Variants in DNAH9 observed in about 807,000 individuals in gnomAD.
The protein encoded by DNAH9 is dynein axonemal heavy chain 9, also known as DNAH9 variant protein.
In DNAH9, 345 loss-of-function variants were observed where a neutral mutation model predicts 471.6. The ratio of observed to expected loss-of-function variants is 0.73; its 90% CI spans 0.67 to 0.80. The LOEUF is 0.80. Among genes scored for constraint, DNAH9 ranks in the 30% least tolerant of loss-of-function variants. The probability of loss-of-function intolerance (pLI) is 0.00; values close to 1 mark genes in which losing one functional copy is unlikely to be tolerated. For missense variants in DNAH9, 5,407 were observed against 5,609.2 expected (o/e 0.96, Z 1.15); for synonymous variants, 2,093 against 2,123.6 (o/e 0.99, Z 0.40).
chr17:11,953,431 T>C (rs1975480555), intron 67 of DNAH9, among the ~76,000 whole-genome samples: 1 of 152,120 alleles, frequency 6.6e-6, no homozygotes, highest in Admixed American at 6.5e-5. Flanking sequence ...CATTCACAAA[T>C]GGGATGAAGT....
chr17:11,858,590 T>G (rs1041108843), intron 50 of DNAH9, among the ~76,000 whole-genome samples: 3 of 152,170 alleles, frequency 2.0e-5, no homozygotes, highest in African/African-American at 4.8e-5. Flanking sequence ...AAGTTTCCAT[T>G]ATCTTCCCAC....
chr17:11,644,572 C>G, intron 10 of DNAH9, 59 bp from the exon 11 acceptor site: 2 of 1,294,934 alleles, frequency 1.5e-6, no homozygotes, highest in South Asian at 2.5e-5. Flanking sequence ...GTTTGTTCCT[C>G]GGATTATTAC....
At position 11,756,568 on chromosome 17, in the gene DNAH9, G is replaced by T; in HGVS notation, c.6739G>T (p.Val2247Leu). 6.3e-7 allele frequency: 1 copy of T among 1,597,546 alleles called. No individual in the cohort carries two copies. The highest frequency in any genetic ancestry group is 8.6e-7 in the Non-Finnish European group (1 of 1,164,856). ...SLNTVMDDNKVLTLASNERIP... is the reference protein window; with the variant it reads ...SLNTVMDDNKLLTLASNERIP... Reference sequence around the variant, plus strand: ...GCATGCCCTTCCCTGTTGTCTCCAGGTGCTGACATTGGCCAGCAATGAGAG... The same window carrying T: ...GCATGCCCTTCCCTGTTGTCTCCAGTTGCTGACATTGGCCAGCAATGAGAG... Residue 2247 changes from valine to leucine, a missense_variant and splice_region_variant, in exon 34 of 69, where the codon GTG (valine) becomes TTG (leucine). Physicochemically the swap from Val to Leu is conservative, Grantham distance 32 (BLOSUM62 1). This residue lies in a region of DNAH9 where 4,636 missense variants were observed against 4,900.3 expected (regional missense o/e 0.95). Transcript: ENST00000262442.
Position 11,905,607 on chromosome 17 carries a change from C to T in DNAH9, c.11601-54C>T. ...ATAGGCCTCTATTTCTCAAATGTTA[C>T]CATTTTGTGGCTGCTATATATGTAT... On this transcript the variant is annotated intron_variant, in intron 60 of 68. Coordinates refer to ENST00000262442, the MANE Select transcript of DNAH9 (RefSeq NM_001372.4). The T allele has an allele frequency of 1.9e-6, 3 of 1,563,970 alleles. No homozygotes were observed. In the South Asian group the frequency reaches 3.5e-5, roughly 18 times the overall value.
At chr17:11,640,209 C>A in intron 9 of DNAH9, 61 bp from the exon 10 acceptor site, 1 of 995,048 alleles carries the variant, frequency 1.0e-6, no homozygotes, top group Non-Finnish European at 1.5e-6. Context: ...GAGGTGTTTG[C>A]CGAGCGGAGA....
At position 11,747,739 on chromosome 17, in the gene DNAH9, A is replaced by T; in HGVS notation, c.6583A>T (p.Asn2195Tyr). 6.2e-7 allele frequency: 1 copy of T among 1,614,120 alleles called. No homozygotes were observed. The highest frequency in any genetic ancestry group is 8.5e-7 in the Non-Finnish European group (1 of 1,179,990). The change falls in exon 32 of 69, where the codon AAT (asparagine) becomes TAT (tyrosine). Residue 2195 changes from asparagine to tyrosine, a missense_variant. Asn to Tyr is a moderately radical substitution (Grantham distance 143, BLOSUM62 -2). Transcript: ENST00000262442. The part of the protein sequence containing the change: ...VTNDELFGII[N>Y]PATGEWKDGL... ...AAATGATGAGCTCTTTGGCATCATC[A>T]ATCCAGCCACAGGAGAATGGAAGGA... is the stretch of plus-strand genomic sequence containing the variant.
At chr17:11,693,811 G>C (rs2074379465) in intron 20 of DNAH9, 57 bp from the exon 21 acceptor site, 1 of 1,600,080 alleles carries the variant, frequency 6.2e-7, no homozygotes, top group Non-Finnish European at 8.6e-7. Flanking sequence ...TCCATGGAGG[G>C]AGCTTCTAGG....
At chr17:11,848,735 G>T (rs371281119) in intron 49 of DNAH9, among the ~76,000 whole-genome samples, 1 of 152,154 alleles carries the variant, frequency 6.6e-6, no homozygotes, top group East Asian at 1.9e-4. Flanking sequence ...TCTGGGAAAT[G>T]ACTTACATTT....
At chr17:11,631,671 G>T (rs532900607) in intron 7 of DNAH9, among the ~76,000 whole-genome samples, 12 of 150,798 alleles carry the variant, frequency 8.0e-5, no homozygotes, top group African/African-American at 2.9e-4. Flanking sequence ...CACAAAGCAG[G>T]CTATATACAA....
Position 11,925,650 on chromosome 17 carries a change from G to A in DNAH9, c.11877+1709G>A, listed in dbSNP as rs934119157. 5.9e-5 allele frequency among the ~76,000 whole-genome samples: 9 copies of A among 152,234 alleles called. 1 individual carries two copies. The South Asian group carries it at 6.2e-4, about 11-fold the overall frequency. On this transcript the variant is annotated intron_variant, in intron 62 of 68. Transcript: ENST00000262442. ...AGTCTGTTTCTGAAACTGTGGTGCC[G>A]CCTCTGCTGCCCCCGTTGTCCCCCA...
rs1287765974 is a variant in DNAH9, at chr17:11,763,506, T to G, written c.7062T>G (p.Cys2354Trp). 2 of 1,613,980 alleles carry G rather than the reference T, an allele frequency of 1.2e-6. No individual in the cohort carries two copies. Among genetic ancestry groups the G allele is most frequent in the Non-Finnish European group, 1.7e-6 (2 of 1,179,950 alleles). ...MVQMVCHLLE[C>W]LLTTEDIPAD... ...AGATGGTGTGTCACCTTCTGGAATG[T>G]CTCCTGACCACGGAGGACATCCCTG... The change falls in exon 36 of 69, where the codon TGT (cysteine) becomes TGG (tryptophan). Residue 2354 changes from cysteine (C) to tryptophan (W), a missense_variant. Cys to Trp is a radical substitution (Grantham distance 215, BLOSUM62 -2). Around this residue, in one of 3 missense-constraint regions of DNAH9, gnomAD observed 4,636 missense variants for 4,900.3 expected, o/e 0.95. Coordinates refer to ENST00000262442, the MANE Select transcript of DNAH9 (RefSeq NM_001372.4).
chr17:11,650,067 T>A (rs1816526692), intron 12 of DNAH9, among the ~76,000 whole-genome samples: 1 of 152,208 alleles, frequency 6.6e-6, no homozygotes, highest in African/African-American at 2.4e-5. Context: ...CTTTTAATTA[T>A]TTTCTTTTCA....
intron 22 of DNAH9, among the ~76,000 whole-genome samples, chr17:11,696,547 C>T (rs992914199): frequency 3.3e-5 from 5 of 152,046 alleles, no homozygotes; most frequent in Non-Finnish European, 5.9e-5. Context: ...TTTGCTTCAC[C>T]ACAAGCAGCA....
chr17:11,825,988 G>A (rs975283557), intron 48 of DNAH9, among the ~76,000 whole-genome samples: 1 of 152,196 alleles, frequency 6.6e-6, no homozygotes, highest in African/African-American at 2.4e-5. Context: ...AAATTTTATG[G>A]TAATAGGACA....
intron 50 of DNAH9, among the ~76,000 whole-genome samples, chr17:11,865,869 A>G (rs1203101936): frequency 1.3e-5 from 2 of 151,476 alleles, no homozygotes; most frequent in Non-Finnish European, 2.9e-5. Context: ...TTTCAGCTCC[A>G]TCAGCTCCTT....
chr17:11,919,221 C>T (rs1025904664), intron 61 of DNAH9, among the ~76,000 whole-genome samples: 10 of 151,834 alleles, frequency 6.6e-5, no homozygotes, highest in African/African-American at 2.2e-4. Context: ...CATGGCGGGG[C>T]GCAGTGGCTC....
intron 17 of DNAH9, among the ~76,000 whole-genome samples, chr17:11,676,198 A>G (rs1326845218): frequency 6.6e-6 from 1 of 151,388 alleles, no homozygotes; most frequent in Non-Finnish European, 1.5e-5. Context: ...TCAAATTATT[A>G]TTATAAAATG....
Position 11,699,776 on chromosome 17 carries a change from C to T in DNAH9, c.4918C>T (p.Arg1640Ter), listed in dbSNP as rs577494986. 3.2e-5 allele frequency: 51 copies of T among 1,614,064 alleles called. 1 individual carries two copies. The South Asian group carries it at 4.7e-4, about 15-fold the overall frequency. The change falls in exon 23 of 69, where the codon CGA (arginine) becomes TGA (stop). Residue 1640 changes from arginine to a stop codon, truncating the protein, a stop_gained. Coordinates refer to ENST00000262442, the MANE Select transcript of DNAH9 (RefSeq NM_001372.4). LOFTEE classifies it high-confidence loss of function. Reference protein sequence around the residue: ...SKLFDNMAKMRFQLDASGEPT... With the variant: ...SKLFDNMAKM ...ACTCTTTGACAACATGGCCAAGATGCGATTCCAGCTAGATGCCAGTGGGGA... is the reference window on the plus strand; with the variant it reads ...ACTCTTTGACAACATGGCCAAGATGTGATTCCAGCTAGATGCCAGTGGGGA...
At chr17:11,609,639 C>T (rs1426536406) in intron 2 of DNAH9, among the ~76,000 whole-genome samples, 2 of 152,082 alleles carry the variant, frequency 1.3e-5, no homozygotes, top group Non-Finnish European at 2.9e-5. Context: ...GTCGTTGTGT[C>T]CTTGATTCTT....
Sources: allele counts gnomAD v4.1 joint callset (sites outside exome capture counted in the v4.1 genomes callset), GRCh38; gene constraint gnomAD v4.1.1; regional missense constraint gnomAD v4.1.1; transcripts MANE v1.5; gene names NCBI Gene and HGNC (gene_info 2026-07-23, HGNC 2026-07-21).